The following DOP1B variants were observed in gnomAD, a reference collection of about 807,000 sequenced individuals.
DOP1B encodes DOP1 leucine zipper like protein B, also known as protein DOP1B.
In DOP1B, 174 loss-of-function variants were observed where a neutral mutation model predicts 233.5. The ratio of observed to expected loss-of-function variants is 0.75; its 90% CI spans 0.66 to 0.85. The LOEUF (loss-of-function observed/expected upper bound fraction) is 0.85, where lower values mean the gene tolerates loss of function less well. DOP1B is among the 40% of genes least tolerant of loss of function. DOP1B has a pLI of 0.00. For synonymous variants in DOP1B, 1,190 were observed against 1,185.6 expected (o/e 1.00, Z -0.08); for missense variants, 2,652 against 2,846.6 (o/e 0.93, Z 1.56).
intron 13 of DOP1B, 90 bp downstream of exon 13, chr21:36,227,967 T>C: frequency 7.7e-7 from 1 of 1,305,978 alleles, no homozygotes. Context: ...TTGGTTAGGA[T>C]AGGAATAAAG....
intron 2 of DOP1B, chr21:36,169,179 C>T: frequency 1.9e-6 from 2 of 1,035,292 alleles, no homozygotes; most frequent in Non-Finnish European, 3.0e-6. Flanking sequence ...ACCACACAGC[C>T]TTTCAGCATA....
chr21:36,168,166 A>G (rs2065934412), intron 2 of DOP1B, among the ~76,000 whole-genome samples: 1 of 149,220 alleles, frequency 6.7e-6, no homozygotes, highest in African/African-American at 2.5e-5. Context: ...CTGGTCTTGA[A>G]CTCCTGACCT....
intron 2 of DOP1B, among the ~76,000 whole-genome samples, chr21:36,197,512 C>T (rs2123465394): frequency 1.3e-5 from 2 of 152,288 alleles, no homozygotes; most frequent in African/African-American, 4.8e-5. Context: ...TTGTTCTAGG[C>T]ACTGTGCAGG....
At chr21:36,283,283 A>G (rs893211353) in intron 32 of DOP1B, among the ~76,000 whole-genome samples, 1 of 151,990 alleles carries the variant, frequency 6.6e-6, no homozygotes, top group East Asian at 1.9e-4. Flanking sequence ...GGGTTTCACC[A>G]TGTTGGCCAG....
chr21:36,263,798 A>G lies in DOP1B; in HGVS notation c.5471A>G (p.Asp1824Gly). The G allele has an allele frequency of 3.7e-6, 6 of 1,614,224 alleles. No homozygotes were observed. Among genetic ancestry groups the G allele is most frequent in the Non-Finnish European group, 5.1e-6 (6 of 1,180,042 alleles). Residue 1824 changes from aspartate to glycine, a missense_variant, in exon 26 of 37, where the codon GAC (aspartate) becomes GGC (glycine). By Grantham distance (94) the Asp-to-Gly change is moderately conservative. Around this residue, in one of 3 missense-constraint regions of DOP1B, gnomAD observed 2,617 missense variants for 2,794.3 expected, o/e 0.94. Transcript: ENST00000691173. ...ACTCCCAACCTGGAAAACAAGAAGG[A>G]CCAAAAAGACCTGCAGGTTTGTATA... ...TRTPNLENKK[D>G]QKDLQEITQK...
chr21:36,181,658 G>A (rs1195743744), intron 2 of DOP1B, among the ~76,000 whole-genome samples: 1 of 152,180 alleles, frequency 6.6e-6, no homozygotes, highest in Non-Finnish European at 1.5e-5. Context: ...AAAAGGGAAG[G>A]ACACAGAGAA....
chr21:36,214,512 A>C lies in DOP1B; in HGVS notation c.1085A>C (p.Lys362Thr). 2 of 1,613,988 alleles carry C rather than the reference A, an allele frequency of 1.2e-6. No individual in the cohort carries two copies. The highest frequency in any genetic ancestry group is 1.7e-6 in the Non-Finnish European group (2 of 1,180,008). The change falls in exon 9 of 37, where the codon AAG becomes ACG. Residue 362 changes from lysine to threonine, a missense_variant. By Grantham distance (78) the Lys-to-Thr change is moderately conservative. Around this residue, in one of 3 missense-constraint regions of DOP1B, gnomAD observed 2,617 missense variants for 2,794.3 expected, o/e 0.94. Transcript: ENST00000691173. ...GAGGAACGCCATCATGCATACCTGA[A>C]GCCTTTTCGCGTCCTCATCAGTCTG... ...DVEERHHAYLKPFRVLISLLD... is the reference protein window; with the variant it reads ...DVEERHHAYLTPFRVLISLLD...
rs16993953 is a variant in DOP1B, at chr21:36,183,813, C to G, written c.139-15257C>G. On this transcript the variant is annotated intron_variant, in intron 2 of 36. Coordinates refer to ENST00000691173, the MANE Select transcript of DOP1B (RefSeq NM_001320714.2). ...GAGTCAGCTTTGGGCTTGAATGTATCTGGAGATAGCCCAGCTTTCATGCCA... is the reference window on the plus strand; with the variant it reads ...GAGTCAGCTTTGGGCTTGAATGTATGTGGAGATAGCCCAGCTTTCATGCCA... Among the ~76,000 whole-genome samples the G allele has an allele frequency of 9.1e-3, 1,381 of 151,566 alleles. 18 individuals are homozygous for G. Among genetic ancestry groups the G allele is most frequent in the African/African-American group, 0.03 (1,244 of 41,302 alleles).
At chr21:36,160,674 C>T (rs931383921) in intron 1 of DOP1B, among the ~76,000 whole-genome samples, 4 of 151,952 alleles carry the variant, frequency 2.6e-5, no homozygotes, top group African/African-American at 9.7e-5. Context: ...GACGGGGTTT[C>T]GCCATGTTGG....
intron 1 of DOP1B, among the ~76,000 whole-genome samples, chr21:36,157,161 C>G (rs1460990307): frequency 2.0e-5 from 3 of 152,066 alleles, no homozygotes; most frequent in South Asian, 4.1e-4. Context: ...AGCTCGGGGC[C>G]GGAGACCGGG....
At chr21:36,186,900 AC>A (rs1569007809) in intron 2 of DOP1B, among the ~76,000 whole-genome samples, 1 of 151,996 alleles carries the variant, frequency 6.6e-6, no homozygotes, top group Non-Finnish European at 1.5e-5. Context: ...CCGGACTCGG[AC>A]CCAGGCCTGC....
intron 15 of DOP1B, 25 bp downstream of exon 15, chr21:36,233,100 C>T: frequency 6.2e-7 from 1 of 1,608,848 alleles, no homozygotes; most frequent in Non-Finnish European, 8.5e-7. Context: ...GAACACTCTT[C>T]TTATGGCCTC....
chr21:36,173,070 A>G (rs748584625), intron 2 of DOP1B, among the ~76,000 whole-genome samples: 4 of 151,878 alleles, frequency 2.6e-5, no homozygotes, highest in Non-Finnish European at 5.9e-5. Flanking sequence ...CAGTGAGCCA[A>G]GATTGCACCA....
chr21:36,186,192 G>A (rs149506915), intron 2 of DOP1B, among the ~76,000 whole-genome samples: 21 of 149,584 alleles, frequency 1.4e-4, no homozygotes, highest in African/African-American at 5.2e-4. Flanking sequence ...AACAGAACGA[G>A]ACTTCGTCTC....
chr21:36,271,683 A>G lies in DOP1B; in HGVS notation c.5632+1526A>G, dbSNP rs1281724227. Among the ~76,000 whole-genome samples the G allele has an allele frequency of 3.3e-5, 5 of 152,066 alleles. 1 individual carries two copies. The highest frequency in any genetic ancestry group is 2.1e-4 in the South Asian group (1 of 4,834). ...GGGACCCCTTAGCTGGTGTCCCACC[A>G]TGTGTATGCCATCCTGCTGACCTTC... On this transcript the variant is annotated intron_variant, in intron 27 of 36. Transcript: ENST00000691173.
At chr21:36,167,262 T>A (rs2065920856) in intron 2 of DOP1B, among the ~76,000 whole-genome samples, 1 of 152,130 alleles carries the variant, frequency 6.6e-6, no homozygotes, top group African/African-American at 2.4e-5. Context: ...AACCTGAGCC[T>A]CCCAGGTTCA....
At chr21:36,184,436 G>A (rs2066139335) in intron 2 of DOP1B, among the ~76,000 whole-genome samples, 2 of 152,040 alleles carry the variant, frequency 1.3e-5, no homozygotes, top group Non-Finnish European at 2.9e-5. Flanking sequence ...CACCCACCTC[G>A]GCCTCCCAGA....
chr21:36,242,494 T>C (rs996226998), intron 18 of DOP1B, among the ~76,000 whole-genome samples: 2 of 152,038 alleles, frequency 1.3e-5, no homozygotes, highest in African/African-American at 2.4e-5. Flanking sequence ...GTATTTTTAG[T>C]AGAGATGGGT....
intron 15 of DOP1B, among the ~76,000 whole-genome samples, chr21:36,236,900 T>C (rs1414177364): frequency 6.7e-6 from 1 of 150,128 alleles, no homozygotes; most frequent in Non-Finnish European, 1.5e-5. Flanking sequence ...TTCTCCTGCC[T>C]CACCCTCCCA....
Sources: gnomAD v4.1 joint callset for allele counts (sites outside exome capture counted in the v4.1 genomes callset) on GRCh38, gnomAD v4.1.1 for gene constraint, gnomAD v4.1.1 regional missense constraint, MANE v1.5 for transcripts, NCBI Gene and HGNC (gene_info 2026-07-23, HGNC 2026-07-21) for gene names.